The following PAX6 variants were observed in gnomAD, a reference collection of about 807,000 sequenced individuals.
PAX6 encodes the protein paired box protein Pax-6.
In PAX6, 7 loss-of-function variants were observed where a neutral mutation model predicts 60.7. The ratio of observed to expected loss-of-function variants is 0.12; its 90% CI spans 0.07 to 0.22. PAX6 has a LOEUF of 0.22. PAX6 is among the 10% of genes least tolerant of loss of function. PAX6 has a pLI of 1.00. For synonymous variants in PAX6, 208 were observed against 201.2 expected, an observed-to-expected ratio of 1.03 and a Z score of -0.29; for missense variants, 355 against 555.2, an observed-to-expected ratio of 0.64 and a Z score of 3.62.
chr11:31,815,507 G>A (rs1003429963), upstream of PAX6, among the ~76,000 whole-genome samples: 1 of 152,146 alleles, frequency 6.6e-6, no homozygotes, highest in South Asian at 2.1e-4. Context: ...GGGCTTTACT[G>A]GGGGATTTGA....
intron 2 of PAX6, 89 bp downstream of exon 2, chr11:31,810,739 C>A (rs1290734285): frequency 7.5e-6 from 3 of 397,702 alleles, no homozygotes; most frequent in Non-Finnish European, 8.9e-6. Flanking sequence ...AGGGGACCGG[C>A]GAGAGGGGAG....
intron 5 of PAX6, 27 bp downstream of exon 5, chr11:31,802,677 C>T (rs1954443968): frequency 8.1e-6 from 13 of 1,602,338 alleles, no homozygotes; most frequent in East Asian, 6.7e-5. Flanking sequence ...GCGGGGGCGG[C>T]GAGTGGGGCG....
chr11:31,813,737 T>A (rs988117574), upstream of PAX6, among the ~76,000 whole-genome samples: 2 of 152,136 alleles, frequency 1.3e-5, no homozygotes, highest in Non-Finnish European at 2.9e-5. Context: ...CTGCTTCCCA[T>A]GTGTCAATAT....
chr11:31,796,670 G>A (rs926430932), intron 8 of PAX6, among the ~76,000 whole-genome samples: 1 of 151,884 alleles, frequency 6.6e-6, no homozygotes, highest in Non-Finnish European at 1.5e-5. Flanking sequence ...GGAAAAAGAG[G>A]GCGATGGAGG....
chr11:31,810,697 C>A (rs1357592991), intron 2 of PAX6, 131 bp downstream of exon 2: 3 of 397,492 alleles, frequency 7.5e-6, no homozygotes, highest in Non-Finnish European at 1.3e-5. Context: ...GGAAACTTCT[C>A]CGGCCCAACT....
intron 10 of PAX6, 46 bp downstream of exon 10, chr11:31,793,986 A>G: frequency 7.3e-7 from 1 of 1,367,222 alleles, no homozygotes; most frequent in Non-Finnish European, 1.0e-6. Flanking sequence ...TAGGAAAGAC[A>G]AATGGTATGA....
At chr11:31,808,180 A>G (rs1323753947) in intron 2 of PAX6, 4 of 152,166 alleles carry the variant, frequency 2.6e-5, no homozygotes, top group African/African-American at 7.2e-5. Flanking sequence ...TGTTTTACCT[A>G]TGGTGATTAT....
At position 31,794,736 on chromosome 11, in the gene PAX6, G is replaced by A; in HGVS notation, c.618C>T (p.Ser206=). The A allele has an allele frequency of 6.2e-7, 1 of 1,614,084 alleles. No homozygotes were observed. The highest frequency in any genetic ancestry group is 8.5e-7 in the Non-Finnish European group (1 of 1,179,976). The change falls in exon 9 of 14, where the codon TCC becomes TCT. Residue 206 remains serine (S), a synonymous_variant. Transcript: ENST00000640368. ...GAGCCTCATCTGAATCTTCTCCGTT[G>A]GAACTGATGGAGTTGGTATTCTCTC... ...GGGENTNSIS[S]NGEDSDEAQM... is the part of the protein sequence containing the mutation.
upstream of PAX6, among the ~76,000 whole-genome samples, chr11:31,813,959 C>G (rs1405444140): frequency 6.6e-6 from 1 of 152,070 alleles, no homozygotes; most frequent in Non-Finnish European, 1.5e-5. Flanking sequence ...GAGGTGCGGG[C>G]GCGGTTGCCA....
Position 31,793,677 on chromosome 11 carries a change from T to A in PAX6, c.933A>T (p.Gln311His). 1.9e-6 allele frequency: 3 copies of A among 1,614,200 alleles called. No homozygotes were observed. The highest frequency in any genetic ancestry group is 2.5e-6 in the Non-Finnish European group (3 of 1,180,026). Residue 311 changes from glutamine to histidine, a missense_variant, in exon 11 of 14, where the codon CAA becomes CAT. Gln to His is a conservative substitution (Grantham distance 24, BLOSUM62 0). Transcript: ENST00000640368. ...CCGGTGTGGTGGGTTGTGGAATTGG[T>A]TGGTAGACACTGGTGCTGAAACTAC... is the stretch of plus-strand genomic sequence containing the variant. ...ISSSFSTSVYQPIPQPTTPVS... is the reference protein window; with the variant it reads ...ISSSFSTSVYHPIPQPTTPVS...
At chr11:31,817,339 T>C (rs924767772) in intron 1 of PAX6, among the ~76,000 whole-genome samples, 3 of 152,234 alleles carry the variant, frequency 2.0e-5, no homozygotes, top group Non-Finnish European at 4.4e-5. Context: ...CGCGGGAAAC[T>C]TCTGCTGCAC....
At chr11:31,803,178 G>A (rs1379296669) in intron 4 of PAX6, 2 of 376,904 alleles carry the variant, frequency 5.3e-6, no homozygotes, top group Non-Finnish European at 1.0e-5. Context: ...CAAGGAACAA[G>A]TACACATGGA....
At chr11:31,790,632 G>T in intron 13 of PAX6, 78 bp downstream of exon 13, 1 of 1,597,442 alleles carries the variant, frequency 6.3e-7, no homozygotes, top group South Asian at 1.1e-5. Context: ...CCTCCCATAA[G>T]ACCAGGAGAT....
At chr11:31,813,676 G>C (rs918050952), upstream of PAX6, among the ~76,000 whole-genome samples, 1 of 152,120 alleles carries the variant, frequency 6.6e-6, no homozygotes, top group Admixed American at 6.5e-5. Flanking sequence ...GGGGCTCCGG[G>C]AAAGACTCCT....
intron 9 of PAX6, 132 bp downstream of exon 9, chr11:31,794,498 A>T: frequency 1.2e-6 from 1 of 862,592 alleles, no homozygotes; most frequent in African/African-American, 1.7e-5. Context: ...TGCCCAGAGA[A>T]ATAAAAAGAC....
Position 31,789,836 on chromosome 11 carries a change from A to G in PAX6, c.*98T>C, listed in dbSNP as rs1356111899. On this transcript the variant is annotated 3_prime_UTR_variant, in exon 14 of 14. Transcript: ENST00000640368. Reference sequence around the variant, plus strand: ...TAGAACTGAAGCGGCTCTAACAGCCATTTTTCTTTCTTTCCTGAAAGCTCA... The same window carrying G: ...TAGAACTGAAGCGGCTCTAACAGCCGTTTTTCTTTCTTTCCTGAAAGCTCA... The G allele has an allele frequency of 1.7e-6, 2 of 1,148,644 alleles. No individual in the cohort carries two copies. Among genetic ancestry groups the G allele is most frequent in the Non-Finnish European group, 2.6e-6 (2 of 781,304 alleles). The allele number at this position is 1,148,644 out of a possible 1,614,324, so 71.2% of individuals were successfully genotyped here.
intron 8 of PAX6, among the ~76,000 whole-genome samples, chr11:31,796,543 C>T (rs1258651223): frequency 7.5e-6 from 1 of 133,038 alleles, no homozygotes; most frequent in African/African-American, 2.9e-5. Flanking sequence ...GGGACCAGGG[C>T]TGGGTTCCTA....
At chr11:31,800,451 C>T (rs1953311460) in intron 8 of PAX6, 4 of 613,132 alleles carry the variant, frequency 6.5e-6, no homozygotes, top group Admixed American at 2.5e-5. Context: ...ACACACGCAC[C>T]CACCAGCCAC....
At chr11:31,792,029 G>A (rs538078895) in intron 12 of PAX6, 22 of 152,140 alleles carry the variant, frequency 1.4e-4, no homozygotes, top group Non-Finnish European at 2.2e-4. Flanking sequence ...CTACTTGTTC[G>A]TCTTATTATT....
Sources: gnomAD v4.1 joint callset for allele counts (sites outside exome capture counted in the v4.1 genomes callset) on GRCh38, gnomAD v4.1.1 for gene constraint, MANE v1.5 for transcripts, NCBI Gene and HGNC (gene_info 2026-07-23, HGNC 2026-07-21) for gene names.